AGBL4: variants seen among roughly 807,000 people sequenced by gnomAD.
AGBL4 encodes the protein cytosolic carboxypeptidase 6.
Under a neutral mutation model 66.4 loss-of-function variants are expected in AGBL4, and 58 were observed. That is an observed-to-expected ratio of 0.87 (90% CI 0.71 to 1.09). The LOEUF (loss-of-function observed/expected upper bound fraction) is 1.09, where lower values mean the gene tolerates loss of function less well. AGBL4 is among the 50% of genes least tolerant of loss of function. AGBL4 has a pLI of 0.00. For synonymous variants in AGBL4, 234 were observed against 222.9 expected (o/e 1.05, Z -0.44); for missense variants, 579 against 631.0 (o/e 0.92, Z 0.88).
intron 5 of AGBL4, among the ~76,000 whole-genome samples, chr1:48,993,020 T>G (rs568475658): frequency 1.1e-4 from 16 of 152,170 alleles, no homozygotes; most frequent in African/African-American, 3.6e-4. Context: ...AAGTCTCCTT[T>G]ACTCTTCCCT....
intron 9 of AGBL4, 114 bp from the exon 10 acceptor site, chr1:48,591,099 C>CCG: frequency 1.4e-6 from 1 of 706,252 alleles, no homozygotes; most frequent in Non-Finnish European, 2.1e-6. Context: ...CACCCCCCCC[C>CCG]ACACACACAC....
intron 1 of AGBL4, among the ~76,000 whole-genome samples, chr1:49,869,717 A>AGAT (rs1646792869): frequency 1.3e-5 from 2 of 152,154 alleles, no homozygotes; most frequent in Non-Finnish European, 2.9e-5. Flanking sequence ...CTACATAACA[A>AGAT]ACCCGCACAT....
chr1:49,925,023 A>G (rs1269863806), intron 1 of AGBL4, among the ~76,000 whole-genome samples: 1 of 152,226 alleles, frequency 6.6e-6, no homozygotes. Context: ...AAGAGGAGCC[A>G]GGTAACCTAG....
chr1:49,163,623 T>G (rs1016117361), intron 4 of AGBL4, among the ~76,000 whole-genome samples: 1 of 152,164 alleles, frequency 6.6e-6, no homozygotes, highest in African/African-American at 2.4e-5. Context: ...GTAATTATTC[T>G]CAATAAACGT....
intron 4 of AGBL4, among the ~76,000 whole-genome samples, chr1:49,137,083 A>G (rs1475934604): frequency 1.3e-5 from 2 of 152,174 alleles, no homozygotes; most frequent in African/African-American, 2.4e-5. Context: ...GTAACTTGAT[A>G]TGTATCCAGC....
chr1:48,541,139 T>G (rs947579568), intron 11 of AGBL4, among the ~76,000 whole-genome samples: 4 of 152,218 alleles, frequency 2.6e-5, no homozygotes, highest in Non-Finnish European at 5.9e-5. Flanking sequence ...TGCCCATACA[T>G]GCCATCTTTC....
intron 8 of AGBL4, among the ~76,000 whole-genome samples, chr1:48,645,620 G>A (rs1409995108): frequency 6.6e-6 from 1 of 152,030 alleles, no homozygotes; most frequent in Non-Finnish European, 1.5e-5. Flanking sequence ...ACTTGAAGGG[G>A]GGTACCTAAT....
chr1:49,715,835 T>C (rs937378586), intron 2 of AGBL4, among the ~76,000 whole-genome samples: 1 of 152,208 alleles, frequency 6.6e-6, no homozygotes, highest in East Asian at 1.9e-4. Context: ...AAGTTCCTTG[T>C]AGATTCTGGA....
At chr1:48,844,600 T>C (rs540379627) in intron 6 of AGBL4, among the ~76,000 whole-genome samples, 53 of 152,316 alleles carry the variant, frequency 3.5e-4, no homozygotes, top group Admixed American at 3.0e-3. Context: ...GCATATGCCT[T>C]CTCCTTTGCT....
chr1:49,661,779 T>A (rs1324281664), intron 3 of AGBL4, among the ~76,000 whole-genome samples: 1 of 152,222 alleles, frequency 6.6e-6, no homozygotes, highest in East Asian at 1.9e-4. Context: ...TTGGATATTT[T>A]CCAAAAAGTT....
Position 49,370,742 on chromosome 1 carries a change from T to C in AGBL4, c.283-124878A>G, listed in dbSNP as rs530885055. Among the ~76,000 whole-genome samples the C allele has an allele frequency of 9.2e-5, 14 of 152,304 alleles. No homozygotes were observed. In the South Asian group the frequency reaches 1.5e-3, roughly 16 times the overall value. ...TTTACCTAACAGTATCATTATGAGA[T>C]AAAATATATAAAATGCTTAGAATAC... On this transcript the variant is annotated intron_variant, in intron 3 of 13. Coordinates refer to ENST00000371839, the MANE Select transcript of AGBL4 (RefSeq NM_032785.4).
intron 6 of AGBL4, among the ~76,000 whole-genome samples, chr1:48,866,596 C>G (rs139654007): frequency 2.0e-5 from 3 of 152,168 alleles, no homozygotes; most frequent in Admixed American, 6.5e-5. Context: ...GAGTAAAATA[C>G]CTCTCTGAAA....
intron 6 of AGBL4, among the ~76,000 whole-genome samples, chr1:48,791,757 C>T (rs1016037584): frequency 6.6e-6 from 1 of 152,134 alleles, no homozygotes. Context: ...TAAATAAGAG[C>T]ATAAGGCATC....
intron 4 of AGBL4, among the ~76,000 whole-genome samples, chr1:49,147,501 T>A (rs191341406): frequency 6.6e-6 from 1 of 152,208 alleles, no homozygotes; most frequent in Admixed American, 6.5e-5. Context: ...TTTATACTGA[T>A]CCAGGCAGAA....
intron 1 of AGBL4, among the ~76,000 whole-genome samples, chr1:49,961,822 G>T (rs1215235238): frequency 2.0e-5 from 3 of 151,924 alleles, no homozygotes; most frequent in African/African-American, 7.3e-5. Context: ...GAACAACTTT[G>T]GCACAAACAA....
intron 3 of AGBL4, among the ~76,000 whole-genome samples, chr1:49,482,299 C>T (rs935569977): frequency 3.9e-5 from 6 of 151,944 alleles, no homozygotes; most frequent in Non-Finnish European, 5.9e-5. Flanking sequence ...GTAGGCTCTT[C>T]ATTACTGCCT....
intron 2 of AGBL4, among the ~76,000 whole-genome samples, chr1:49,738,896 C>T (rs1650149070): frequency 6.6e-6 from 1 of 152,160 alleles, no homozygotes; most frequent in Admixed American, 6.5e-5. Context: ...ATACCAAAAC[C>T]TCATCTGTAC....
At chr1:49,838,138 A>G (rs1645899498) in intron 2 of AGBL4, among the ~76,000 whole-genome samples, 1 of 152,226 alleles carries the variant, frequency 6.6e-6, no homozygotes, top group African/African-American at 2.4e-5. Context: ...GTGGGAAAAA[A>G]TAACACAGAG....
At chr1:49,625,682 A>G (rs539111796) in intron 3 of AGBL4, among the ~76,000 whole-genome samples, 1 of 152,302 alleles carries the variant, frequency 6.6e-6, no homozygotes, top group Non-Finnish European at 1.5e-5. Context: ...ATAGTTCATT[A>G]TAAACATGGC....
Sources: gnomAD v4.1 joint callset for allele counts (sites outside exome capture counted in the v4.1 genomes callset) on GRCh38, gnomAD v4.1.1 for gene constraint, MANE v1.5 for transcripts, NCBI Gene and HGNC (gene_info 2026-07-23, HGNC 2026-07-21) for gene names.